The following GPR149 variants were observed in gnomAD, a reference collection of about 807,000 sequenced individuals.
GPR149 encodes the protein G protein-coupled receptor 149.
In GPR149, 50 loss-of-function variants were observed where a neutral mutation model predicts 50.2. The ratio of observed to expected loss-of-function variants is 1.00; its 90% CI spans 0.79 to 1.26. The LOEUF is 1.26. GPR149 is among the 50% of genes most tolerant of loss of function. The pLI, the probability that GPR149 is intolerant of heterozygous loss-of-function variation, is 0.00. For synonymous variants in GPR149, 405 were observed against 358.2 expected (o/e 1.13, Z -1.48); for missense variants, 983 against 895.4 (o/e 1.10, Z -1.25).
At chr3:154,378,727 T>C (rs940281076) in intron 3 of GPR149, among the ~76,000 whole-genome samples, 1 of 152,246 alleles carries the variant, frequency 6.6e-6, no homozygotes, top group Non-Finnish European at 1.5e-5. Flanking sequence ...CCAACACTTA[T>C]TGCTGTACCT....
At position 154,372,712 on chromosome 3, in the gene GPR149, G is replaced by A. The variant is rs546336341; in HGVS notation, c.1624-34441C>T. ...TGGTGATGAGGATAGATGAGAAATA[G>A]TGGCTATAATGAGATATTGGTATAT... On this transcript the variant is annotated intron_variant, in intron 3 of 3. Transcript: ENST00000389740. Among the ~76,000 whole-genome samples, 6 of 152,286 alleles carry A rather than the reference G, an allele frequency of 3.9e-5. No homozygotes were observed. The South Asian group carries it at 1.2e-3, about 32-fold the overall frequency.
intron 3 of GPR149, among the ~76,000 whole-genome samples, chr3:154,401,303 G>A (rs73000761): frequency 0.033 from 5,078 of 152,304 alleles, 252 homozygotes; most frequent in African/African-American, 0.12. Flanking sequence ...AGAAAAGGTG[G>A]CTCTTGAATA....
rs1341107044 is a variant in GPR149 at position 154,351,311 on chromosome 3, T to TGCAAAAAAAAA, written c.1624-13041_1624-13040insTTTTTTTTTGC. 3.0e-4 allele frequency among the ~76,000 whole-genome samples: 6 copies of TGCAAAAAAAAA among 19,710 alleles called. 2 individuals are homozygous for TGCAAAAAAAAA. The highest frequency in any genetic ancestry group is 6.0e-4 in the African/African-American group (3 of 5,036). 12.9% of individuals were successfully genotyped at this position (19,710 alleles called of 152,430 possible). A position where few individuals can be genotyped will look rare whatever the true frequency, so the allele number is the denominator to read the frequency against. On this transcript the variant is annotated intron_variant, in intron 3 of 3. Transcript: ENST00000389740. ...GTGCTAGGGCAATTAGACATCCACA[T>TGCAAAAAAAAA]ACAAAAAAAAAAAAAAAAAAAAAAA... is the stretch of plus-strand genomic sequence containing the variant.
At chr3:154,397,932 T>C (rs1432223960) in intron 3 of GPR149, among the ~76,000 whole-genome samples, 1 of 148,324 alleles carries the variant, frequency 6.7e-6, no homozygotes, top group East Asian at 2.3e-4. Context: ...GTTATAAGAT[T>C]TTTGTAAAAA....
At chr3:154,416,774 C>A (rs1207760325) in intron 3 of GPR149, among the ~76,000 whole-genome samples, 3 of 151,798 alleles carry the variant, frequency 2.0e-5, no homozygotes, top group Non-Finnish European at 4.4e-5. Context: ...ACACAATTAC[C>A]TCCCTCTGCT....
intron 3 of GPR149, among the ~76,000 whole-genome samples, chr3:154,373,143 AATGGGC>A (rs1376418909): frequency 6.6e-6 from 1 of 152,134 alleles, no homozygotes; most frequent in Admixed American, 6.6e-5. Flanking sequence ...ACATTTAAAG[AATGGGC>A]AGAGATAAAG....
chr3:154,342,850 G>A (rs1026040880), intron 3 of GPR149, among the ~76,000 whole-genome samples: 3 of 152,146 alleles, frequency 2.0e-5, no homozygotes, highest in Admixed American at 6.6e-5. Context: ...TTGTGTATTT[G>A]ACTATAAAAT....
At chr3:154,373,602 C>T (rs1458078869) in intron 3 of GPR149, among the ~76,000 whole-genome samples, 1 of 152,086 alleles carries the variant, frequency 6.6e-6, no homozygotes, top group Non-Finnish European at 1.5e-5. Flanking sequence ...TGTTTTTGTT[C>T]AAGGAAATAT....
chr3:154,419,119 G>A (rs1006401850), intron 3 of GPR149, among the ~76,000 whole-genome samples: 1 of 151,938 alleles, frequency 6.6e-6, no homozygotes, highest in Admixed American at 6.6e-5. Flanking sequence ...CCATTTCAGA[G>A]AAGTTTCCTG....
chr3:154,352,750 G>A (rs955993279), intron 3 of GPR149: 2 of 790,496 alleles, frequency 2.5e-6, no homozygotes, highest in Non-Finnish European at 4.7e-6. Context: ...AAACCTGATG[G>A]TATCCATGCT....
intron 3 of GPR149, among the ~76,000 whole-genome samples, chr3:154,382,519 T>C (rs1444011602): frequency 1.3e-5 from 2 of 152,210 alleles, no homozygotes; most frequent in Non-Finnish European, 2.9e-5. Context: ...AAATGTCAAA[T>C]GACCACTTGA....
intron 3 of GPR149, among the ~76,000 whole-genome samples, chr3:154,392,801 C>T (rs1274690052): frequency 6.6e-6 from 1 of 151,752 alleles, no homozygotes; most frequent in Non-Finnish European, 1.5e-5. Flanking sequence ...CTACTATGAG[C>T]AACTATACAC....
chr3:154,375,102 T>C (rs761305885), intron 3 of GPR149, among the ~76,000 whole-genome samples: 4 of 152,196 alleles, frequency 2.6e-5, no homozygotes, highest in African/African-American at 9.7e-5. Context: ...TTAATATCAC[T>C]TGCTTCCCTT....
chr3:154,358,681 GTT>G (rs1714305432), intron 3 of GPR149, among the ~76,000 whole-genome samples: 1 of 152,128 alleles, frequency 6.6e-6, no homozygotes, highest in Admixed American at 6.6e-5. Context: ...ATGTTTATGA[GTT>G]TCATAGACCT....
intron 3 of GPR149, among the ~76,000 whole-genome samples, chr3:154,416,892 T>C (rs1294139329): frequency 6.6e-6 from 1 of 151,946 alleles, no homozygotes; most frequent in Non-Finnish European, 1.5e-5. Flanking sequence ...GGATTGTAAA[T>C]AGATTAAAAG....
chr3:154,428,688 G>C lies in GPR149; in HGVS notation c.928C>G (p.Arg310Gly), dbSNP rs560059695. 2.5e-6 allele frequency: 4 copies of C among 1,614,056 alleles called. No individual in the cohort carries two copies. Among genetic ancestry groups the C allele is most frequent in the Middle Eastern group, 1.7e-4 (1 of 6,058 alleles). ...RSFTVSVAQKRFALILALTKV... is the reference protein window; with the variant it reads ...RSFTVSVAQKGFALILALTKV... Reference sequence around the variant, plus strand: ...GTAAGCGCTAGGATCAAAGCGAAGCGCTTCTGCGCTACGCTCACGGTGAAG... The same window carrying C: ...GTAAGCGCTAGGATCAAAGCGAAGCCCTTCTGCGCTACGCTCACGGTGAAG... The change falls in exon 1 of 4, where the codon CGC becomes GGC. Residue 310 changes from arginine to glycine, a missense_variant. By Grantham distance (125) the Arg-to-Gly change is moderately radical (BLOSUM62 -2). Coordinates refer to ENST00000389740, the MANE Select transcript of GPR149 (RefSeq NM_001038705.3).
chr3:154,425,478 G>A (rs959588350), intron 2 of GPR149, among the ~76,000 whole-genome samples: 1 of 152,036 alleles, frequency 6.6e-6, no homozygotes, highest in Admixed American at 6.6e-5. Context: ...CTATCAATAG[G>A]AAAATTGATG....
intron 3 of GPR149, among the ~76,000 whole-genome samples, chr3:154,359,524 A>G (rs2108394307): frequency 6.6e-6 from 1 of 152,294 alleles, no homozygotes; most frequent in East Asian, 1.9e-4. Flanking sequence ...CAGAGCCTCC[A>G]ATCCACCCCA....
Position 154,364,651 on chromosome 3 carries a change from T to TA in GPR149, c.1624-26381dup, listed in dbSNP as rs564543495. Among the ~76,000 whole-genome samples, 479 of 152,284 alleles carry TA rather than the reference T, an allele frequency of 3.1e-3. 4 individuals are homozygous for TA. Among genetic ancestry groups the TA allele is most frequent in the African/African-American group, 0.011 (457 of 41,570 alleles). On this transcript the variant is annotated intron_variant, in intron 3 of 3. Transcript: ENST00000389740. ...ATACGTTTCAAGTAAGTCCAAAACCTAAAAGGGAAAACAACGTTGAATATC... is the reference window on the plus strand; with the variant it reads ...ATACGTTTCAAGTAAGTCCAAAACCTAAAAAGGGAAAACAACGTTGAATATC...
Sources: allele counts gnomAD v4.1 joint callset (sites outside exome capture counted in the v4.1 genomes callset), GRCh38; gene constraint gnomAD v4.1.1; transcripts MANE v1.5; gene names NCBI Gene and HGNC (gene_info 2026-07-23, HGNC 2026-07-21).